The following SEMA3D variants were observed in gnomAD, a reference collection of about 807,000 sequenced individuals.
The protein encoded by SEMA3D is semaphorin-3D.
Under a neutral mutation model 100.1 loss-of-function variants are expected in SEMA3D, and 84 were observed. That is an observed-to-expected ratio of 0.84 (90% CI 0.70 to 1.01). The LOEUF is 1.01. Ranked by LOEUF, SEMA3D falls within the 50% of genes least tolerant of loss-of-function variation. The probability of loss-of-function intolerance (pLI) is 0.00; values close to 1 mark genes in which losing one functional copy is unlikely to be tolerated. For synonymous variants in SEMA3D, 312 were observed against 320.7 expected (o/e 0.97, Z 0.29); for missense variants, 875 against 934.1 (o/e 0.94, Z 0.82).
chr7:85,147,274 G>C (rs1790243523), intron 2 of SEMA3D, among the ~76,000 whole-genome samples: 1 of 151,336 alleles, frequency 6.6e-6, no homozygotes, highest in Non-Finnish European at 1.5e-5. Flanking sequence ...GGCTAATTTT[G>C]TATTTTTAGT....
intron 8 of SEMA3D, among the ~76,000 whole-genome samples, chr7:85,058,686 T>G (rs1363255459): frequency 6.8e-6 from 1 of 146,336 alleles, no homozygotes; most frequent in Non-Finnish European, 1.5e-5. Context: ...AGGCGCAGCT[T>G]GCAGTGAGAC....
At chr7:85,183,864 C>T (rs1261684707) in intron 1 of SEMA3D, among the ~76,000 whole-genome samples, 3 of 152,038 alleles carry the variant, frequency 2.0e-5, no homozygotes, top group Non-Finnish European at 2.9e-5. Flanking sequence ...TACTGAAATA[C>T]GAAGTAAATT....
At chr7:85,211,917 A>T in the SEMA3D span, among the ~76,000 whole-genome samples, 2 of 152,160 alleles carry the variant, frequency 1.3e-5, no homozygotes, top group Admixed American at 6.6e-5. Context: ...ACAAAAATAT[A>T]TGTGTTAATC....
At chr7:85,092,884 T>A (rs182377531) in intron 4 of SEMA3D, among the ~76,000 whole-genome samples, 34 of 152,174 alleles carry the variant, frequency 2.2e-4, no homozygotes, top group Admixed American at 1.8e-3. Context: ...TAAACTCTTG[T>A]ACAAGCAAAA....
chr7:85,190,300 T>C (rs1791668153), upstream of SEMA3D, among the ~76,000 whole-genome samples: 1 of 152,292 alleles, frequency 6.6e-6, no homozygotes, highest in South Asian at 2.1e-4. Context: ...TTTACTTCTC[T>C]AAAACTAGTC....
intron 1 of SEMA3D, among the ~76,000 whole-genome samples, chr7:85,165,214 AT>A: frequency 4.8e-5 from 1 of 20,764 alleles, no homozygotes; most frequent in African/African-American, 4.1e-4. Flanking sequence ...TTAAAGTATA[AT>A]AATAATAATA....
At chr7:85,013,956 A>G (rs755077708) in intron 16 of SEMA3D, among the ~76,000 whole-genome samples, 3 of 151,808 alleles carry the variant, frequency 2.0e-5, no homozygotes, top group Non-Finnish European at 2.9e-5. Flanking sequence ...GACTATAATG[A>G]GCAAGTTCTT....
At chr7:85,214,207 G>T in the SEMA3D span, among the ~76,000 whole-genome samples, 1 of 152,086 alleles carries the variant, frequency 6.6e-6, no homozygotes, top group Non-Finnish European at 1.5e-5. Flanking sequence ...TAACAACTGG[G>T]ATCCACTCTT....
chr7:85,066,913 C>CACACACACACAGAGAG, intron 7 of SEMA3D, among the ~76,000 whole-genome samples: 5 of 127,760 alleles, frequency 3.9e-5, no homozygotes, highest in Admixed American at 1.6e-4. Context: ...CACACACACA[C>CACACACACACAGAGAG]AGAGAGAGAG....
chr7:85,211,018 A>C, the SEMA3D span, among the ~76,000 whole-genome samples: 1 of 152,022 alleles, frequency 6.6e-6, no homozygotes, highest in African/African-American at 2.4e-5. Flanking sequence ...TTTATGATTA[A>C]GTTGGGGAGA....
At chr7:85,012,354 A>T (rs1477378891) in intron 17 of SEMA3D, among the ~76,000 whole-genome samples, 1 of 151,786 alleles carries the variant, frequency 6.6e-6, no homozygotes, top group Non-Finnish European at 1.5e-5. Flanking sequence ...TGATAGGTGA[A>T]TATAAATAAA....
chr7:85,231,978 T>C, the SEMA3D span, among the ~76,000 whole-genome samples: 4 of 152,274 alleles, frequency 2.6e-5, no homozygotes, highest in East Asian at 1.9e-4. Flanking sequence ...ATAAAGTTTA[T>C]GCAAAAATTG....
chr7:85,147,789 C>T (rs115252617), intron 2 of SEMA3D, among the ~76,000 whole-genome samples: 1 of 152,076 alleles, frequency 6.6e-6, no homozygotes, highest in Non-Finnish European at 1.5e-5. Flanking sequence ...TATGAAATAA[C>T]CAGGCTCAGT....
the SEMA3D span, among the ~76,000 whole-genome samples, chr7:85,202,154 C>A: frequency 2.7e-5 from 4 of 150,544 alleles, no homozygotes; most frequent in African/African-American, 9.8e-5. Context: ...GTGTGCTGCA[C>A]CCACTAACTC....
chr7:85,237,889 T>C, the SEMA3D span, among the ~76,000 whole-genome samples: 1 of 152,214 alleles, frequency 6.6e-6, no homozygotes, highest in Non-Finnish European at 1.5e-5. Context: ...TCATCCCCAA[T>C]GAATGAGAGT....
chr7:85,110,684 T>C (rs1382083232), intron 3 of SEMA3D, among the ~76,000 whole-genome samples: 2 of 150,780 alleles, frequency 1.3e-5, no homozygotes, highest in Non-Finnish European at 3.0e-5. Context: ...AGGTGTAGAT[T>C]ATCCGGCATG....
In SEMA3D at chr7:85,012,808, A is replaced by T; in HGVS notation, c.1742T>A (p.Ile581Asn). 6.2e-7 allele frequency: 1 copy of T among 1,610,642 alleles called. No homozygotes were observed. The highest frequency in any genetic ancestry group is 8.5e-7 in the Non-Finnish European group (1 of 1,177,692). ...RRQDVKYGDP[I>N]TQCWDIEDSI... Reference sequence around the variant, plus strand: ...GTCTTCGATGTCCCAGCACTGGGTGATTGGGTCGCCATATTTTACATCTTG... The same window carrying T: ...GTCTTCGATGTCCCAGCACTGGGTGTTTGGGTCGCCATATTTTACATCTTG... Residue 581 changes from isoleucine to asparagine, a missense_variant, in exon 17 of 19, where the codon ATC (isoleucine) becomes AAC (asparagine). Transcript: ENST00000284136.
Position 85,097,976 on chromosome 7 carries a change from CA to C in SEMA3D, c.152-12del, listed in dbSNP as rs749233639. 15 of 1,276,196 alleles carry C rather than the reference CA, an allele frequency of 1.2e-5. No individual in the cohort carries two copies. Among genetic ancestry groups the C allele is most frequent in the Admixed American group, 6.5e-5 (2 of 30,806 alleles). The allele number at this position is 1,276,196 out of a possible 1,614,324, so 79.1% of individuals were successfully genotyped here. ...TTGAAAGCAGCAAGTCTATGGAAAG[CA>C]AAAAAAGAAAAGAAAGGAGAAAGAA... On this transcript the variant is annotated splice_polypyrimidine_tract_variant and intron_variant, in intron 3 of 18. Transcript: ENST00000284136.
chr7:85,173,287 G>A (rs17648274), intron 1 of SEMA3D, among the ~76,000 whole-genome samples: 101,063 of 151,920 alleles, frequency 0.67, 34,333 homozygotes, highest in East Asian at 0.92. Context: ...ATAAGTCTGG[G>A]AATTCAGAGG....
Sources: allele counts gnomAD v4.1 joint callset (sites outside exome capture counted in the v4.1 genomes callset), GRCh38; gene constraint gnomAD v4.1.1; transcripts MANE v1.5; gene names NCBI Gene and HGNC (gene_info 2026-07-23, HGNC 2026-07-21).